The following DIAPH3 variants were observed in gnomAD, a reference collection of about 807,000 sequenced individuals.
DIAPH3 encodes the protein protein diaphanous homolog 3.
A neutral mutation model predicts 144.3 loss-of-function variants in DIAPH3; 117 were observed. The observed-to-expected ratio is 0.81, with a 90% CI of 0.70 to 0.95. The LOEUF (loss-of-function observed/expected upper bound fraction) is 0.95, where lower values mean the gene tolerates loss of function less well. DIAPH3 is among the 40% of genes least tolerant of loss of function. DIAPH3 has a pLI of 0.00. For synonymous variants in DIAPH3, 519 were observed against 488.9 expected (o/e 1.06, Z -0.81); for missense variants, 1,421 against 1,412.7 (o/e 1.01, Z -0.09).
chr13:60,005,601 T>C (rs1417585509), intron 9 of DIAPH3, among the ~76,000 whole-genome samples: 4 of 152,068 alleles, frequency 2.6e-5, no homozygotes, highest in East Asian at 3.9e-4. Context: ...CTGCCTCAGC[T>C]TCCCGAGTAG....
At chr13:60,045,848 C>A (rs1371275972) in intron 4 of DIAPH3, among the ~76,000 whole-genome samples, 1 of 152,000 alleles carries the variant, frequency 6.6e-6, no homozygotes, top group Non-Finnish European at 1.5e-5. Context: ...ATGAGAATAA[C>A]CAGTAAGTGC....
chr13:60,118,361 G>A (rs769575711), intron 2 of DIAPH3, among the ~76,000 whole-genome samples: 1 of 151,986 alleles, frequency 6.6e-6, no homozygotes, highest in Non-Finnish European at 1.5e-5. Context: ...TAAAATGAAA[G>A]GAAAATATAA....
intron 25 of DIAPH3, among the ~76,000 whole-genome samples, chr13:59,801,855 C>T (rs2039916485): frequency 6.6e-6 from 1 of 152,116 alleles, no homozygotes; most frequent in Non-Finnish European, 1.5e-5. Context: ...CTATTTATAC[C>T]ATTTACATGT....
chr13:59,810,871 C>T lies in DIAPH3; in HGVS notation c.3080G>A (p.Arg1027His), dbSNP rs142015799. The change falls in exon 25 of 28, where the codon CGT becomes CAT. Residue 1027 changes from arginine (R) to histidine (H), a missense_variant. Arg to His is a conservative substitution (Grantham distance 29). Transcript: ENST00000400324. Reference sequence around the variant, plus strand: ...TGCTAATTCTTTAGCTATTCTGACACGTTTTTCTTTTTCCTCTGCTTCTCT... The same window carrying T: ...TGCTAATTCTTTAGCTATTCTGACATGTTTTTCTTTTTCCTCTGCTTCTCT... ...KKREAEEKEKRVRIAKELAER... is the reference protein window; with the variant it reads ...KKREAEEKEKHVRIAKELAER... 4.5e-5 allele frequency: 73 copies of T among 1,612,866 alleles called. No homozygotes were observed. The African/African-American group carries it at 6.5e-4, about 14-fold the overall frequency.
chr13:59,954,576 T>G (rs894338291), intron 17 of DIAPH3, among the ~76,000 whole-genome samples: 1 of 152,160 alleles, frequency 6.6e-6, no homozygotes, highest in Non-Finnish European at 1.5e-5. Context: ...TTCAACTCTC[T>G]TATTAAATAA....
chr13:60,145,378 G>A (rs183715706), intron 1 of DIAPH3, among the ~76,000 whole-genome samples: 123 of 152,340 alleles, frequency 8.1e-4, no homozygotes, highest in African/African-American at 2.7e-3. Context: ...AAAACCAGGC[G>A]CAGTGGCTCA....
intron 21 of DIAPH3, 43 bp downstream of exon 21, chr13:59,879,186 C>A (rs1346345410): frequency 6.2e-7 from 1 of 1,612,620 alleles, no homozygotes; most frequent in African/African-American, 1.3e-5. Flanking sequence ...CATTTAAGAG[C>A]AAGTGTTCAG....
At position 59,879,496 on chromosome 13, in the gene DIAPH3, C is replaced by T. The variant is rs751146953; in HGVS notation, c.2368-28G>A. 5.6e-6 allele frequency: 9 copies of T among 1,612,906 alleles called. No homozygotes were observed. The South Asian group carries it at 8.8e-5, about 16-fold the overall frequency. The stretch of plus-strand genomic sequence containing the variant: ...GATTGAAAAGAAAACAGCAGATTTC[C>T]TTTAAAATGCATGGTATAGTTTAGT... On this transcript the variant is annotated intron_variant, in intron 20 of 27. Transcript: ENST00000400324.
intron 5 of DIAPH3, among the ~76,000 whole-genome samples, chr13:60,027,191 G>T (rs1462419983): frequency 6.6e-6 from 1 of 152,206 alleles, no homozygotes; most frequent in Non-Finnish European, 1.5e-5. Flanking sequence ...AAAGCACTTA[G>T]CATGCCCTGT....
chr13:59,954,893 A>G (rs570099834), intron 17 of DIAPH3, among the ~76,000 whole-genome samples: 1 of 151,940 alleles, frequency 6.6e-6, no homozygotes, highest in Non-Finnish European at 1.5e-5. Context: ...ATTAGAAACC[A>G]CCCACATGAT....
intron 4 of DIAPH3, among the ~76,000 whole-genome samples, chr13:60,057,485 G>T (rs1287920735): frequency 6.6e-6 from 1 of 151,874 alleles, no homozygotes; most frequent in African/African-American, 2.4e-5. Flanking sequence ...GCAATCTACA[G>T]ATTCAATGCA....
chr13:59,799,965 T>A (rs764318072), intron 25 of DIAPH3, among the ~76,000 whole-genome samples: 4 of 152,164 alleles, frequency 2.6e-5, no homozygotes, highest in Non-Finnish European at 4.4e-5. Context: ...TATTAAAGAT[T>A]AATATTGAGT....
intron 3 of DIAPH3, among the ~76,000 whole-genome samples, chr13:60,109,563 A>G (rs183126373): frequency 3.3e-4 from 51 of 152,296 alleles, no homozygotes; most frequent in Admixed American, 1.4e-3. Context: ...AAGCTTGAAC[A>G]AGGGAAAAGG....
At chr13:59,825,960 G>A (rs1030929894) in intron 24 of DIAPH3, among the ~76,000 whole-genome samples, 41 of 152,112 alleles carry the variant, frequency 2.7e-4, no homozygotes, top group Admixed American at 9.2e-4. Context: ...ATGCAGAAAA[G>A]GCCTTTGACA....
chr13:59,841,502 G>T (rs2042343274), intron 22 of DIAPH3, among the ~76,000 whole-genome samples: 1 of 152,084 alleles, frequency 6.6e-6, no homozygotes, highest in South Asian at 2.1e-4. Flanking sequence ...GCTGAGGTGG[G>T]AAAATTGCTT....
intron 23 of DIAPH3, among the ~76,000 whole-genome samples, chr13:59,835,813 G>C (rs1276516073): frequency 4.0e-5 from 6 of 151,640 alleles, no homozygotes; most frequent in Non-Finnish European, 7.4e-5. Context: ...ACAGTTCAAA[G>C]TTCAACATAC....
At chr13:59,851,700 G>T (rs1210823587) in intron 22 of DIAPH3, among the ~76,000 whole-genome samples, 1 of 146,342 alleles carries the variant, frequency 6.8e-6, no homozygotes, top group African/African-American at 2.5e-5. Flanking sequence ...GCGCAATGGC[G>T]CAACCTCCGC....
chr13:59,777,731 G>C (rs1417838434), intron 25 of DIAPH3, among the ~76,000 whole-genome samples: 1 of 151,982 alleles, frequency 6.6e-6, no homozygotes, highest in Non-Finnish European at 1.5e-5. Context: ...CCAAAGTAAG[G>C]GACATTCTGT....
chr13:59,988,486 AT>A (rs747985997), intron 12 of DIAPH3, among the ~76,000 whole-genome samples: 10 of 151,888 alleles, frequency 6.6e-5, no homozygotes, highest in African/African-American at 9.7e-5. Context: ...ACAATGTCCA[AT>A]TATGAGTTCA....
Sources: allele counts gnomAD v4.1 joint callset (sites outside exome capture counted in the v4.1 genomes callset), GRCh38; gene constraint gnomAD v4.1.1; transcripts MANE v1.5; gene names NCBI Gene and HGNC (gene_info 2026-07-23, HGNC 2026-07-21).